Variants in PLPP1 observed in about 807,000 individuals in gnomAD.
The protein encoded by PLPP1 is lipid phosphate phosphohydrolase 1a.
A neutral mutation model predicts 31.2 loss-of-function variants in PLPP1; 24 were observed. The ratio of observed to expected loss-of-function variants is 0.77; its 90% CI spans 0.56 to 1.08. PLPP1 has a LOEUF of 1.08. PLPP1 is among the 50% of genes least tolerant of loss of function. The pLI is 0.00. For missense variants in PLPP1, 319 were observed against 342.7 expected, an observed-to-expected ratio of 0.93 and a Z score of 0.55; for synonymous variants, 146 against 126.3, an observed-to-expected ratio of 1.16 and a Z score of -1.05.
At chr5:55,534,479 A>T in intron 1 of PLPP1, 93 bp downstream of exon 1, 2 of 1,300,434 alleles carry the variant, frequency 1.5e-6, no homozygotes, top group Non-Finnish European at 2.0e-6. Flanking sequence ...CGCACGCGTC[A>T]GGCAACACAC....
intron 1 of PLPP1, among the ~76,000 whole-genome samples, chr5:55,516,215 TACC>T (rs1239517301): frequency 6.6e-6 from 1 of 152,196 alleles, no homozygotes; most frequent in Non-Finnish European, 1.5e-5. Context: ...TCTCCATTTC[TACC>T]ACCATCACCA....
At chr5:55,460,006 G>A (rs1401235255) in intron 3 of PLPP1, among the ~76,000 whole-genome samples, 1 of 152,094 alleles carries the variant, frequency 6.6e-6, no homozygotes, top group African/African-American at 2.4e-5. Flanking sequence ...TAAGAAGATA[G>A]TATATAATAA....
chr5:55,490,740 T>C (rs1449144080), intron 1 of PLPP1, among the ~76,000 whole-genome samples: 1 of 152,164 alleles, frequency 6.6e-6, no homozygotes, highest in East Asian at 1.9e-4. Flanking sequence ...AATCATTCTA[T>C]CATTCTTCAG....
intron 2 of PLPP1, among the ~76,000 whole-genome samples, chr5:55,471,711 G>T (rs1240844856): frequency 6.6e-6 from 1 of 151,756 alleles, no homozygotes; most frequent in Non-Finnish European, 1.5e-5. Context: ...TTAATCACAG[G>T]GATTTTTTTA....
At chr5:55,479,397 AC>A (rs1467681328) in intron 1 of PLPP1, among the ~76,000 whole-genome samples, 1 of 152,240 alleles carries the variant, frequency 6.6e-6, no homozygotes, top group East Asian at 1.9e-4. Context: ...CTAAATACAG[AC>A]CCCTGGAAGG....
At chr5:55,530,210 A>G (rs1740612261) in intron 1 of PLPP1, 1 of 1,374,910 alleles carries the variant, frequency 7.3e-7, no homozygotes, top group Non-Finnish European at 1.0e-6. Flanking sequence ...GAGTTTCTTC[A>G]TCTAGCTGAA....
chr5:55,435,742 T>C (rs1338382778), intron 4 of PLPP1, among the ~76,000 whole-genome samples: 1 of 151,964 alleles, frequency 6.6e-6, no homozygotes, highest in Non-Finnish European at 1.5e-5. Flanking sequence ...ACCTTCACAC[T>C]CCTCCCTCCC....
intron 1 of PLPP1, among the ~76,000 whole-genome samples, chr5:55,520,293 C>A (rs1753636827): frequency 6.6e-6 from 1 of 152,144 alleles, no homozygotes; most frequent in South Asian, 2.1e-4. Flanking sequence ...ATCTGGGCAC[C>A]AGGAACTGAA....
intron 2 of PLPP1, among the ~76,000 whole-genome samples, chr5:55,474,737 G>A (rs1004370883): frequency 2.0e-5 from 3 of 152,040 alleles, no homozygotes; most frequent in African/African-American, 7.2e-5. Flanking sequence ...AAAACGGTAG[G>A]TACATACATA....
intron 2 of PLPP1, among the ~76,000 whole-genome samples, chr5:55,471,965 A>AC (rs1275980325): frequency 6.6e-6 from 1 of 151,406 alleles, no homozygotes; most frequent in Non-Finnish European, 1.5e-5. Context: ...CTTTAAAAAA[A>AC]AATGTAATTA....
intron 4 of PLPP1, among the ~76,000 whole-genome samples, chr5:55,427,398 TTAAC>T (rs1017796825): frequency 6.6e-6 from 1 of 152,160 alleles, no homozygotes; most frequent in Non-Finnish European, 1.5e-5. Context: ...CACCAGCTGT[TTAAC>T]TGAGTCTGAC....
intron 1 of PLPP1, among the ~76,000 whole-genome samples, chr5:55,526,971 A>C (rs1342289092): frequency 6.6e-6 from 1 of 151,536 alleles, no homozygotes; most frequent in African/African-American, 2.4e-5. Context: ...TAGAAGAAAC[A>C]GCAAGTGGTC....
chr5:55,500,662 A>G (rs181883213), intron 1 of PLPP1, among the ~76,000 whole-genome samples: 272 of 152,156 alleles, frequency 1.8e-3, no homozygotes, highest in African/African-American at 6.2e-3. Flanking sequence ...ACACAATCCA[A>G]TCTGTACTCT....
At chr5:55,442,330 G>A (rs1384245924) in intron 3 of PLPP1, among the ~76,000 whole-genome samples, 1 of 152,128 alleles carries the variant, frequency 6.6e-6, no homozygotes, top group Non-Finnish European at 1.5e-5. Flanking sequence ...ACACTCAGAA[G>A]TTGATTGCTT....
intron 1 of PLPP1, among the ~76,000 whole-genome samples, chr5:55,503,573 C>A (rs1030451928): frequency 6.6e-6 from 1 of 150,680 alleles, no homozygotes; most frequent in Non-Finnish European, 1.5e-5. Context: ...GTCAGGAGCT[C>A]AAGACCAAAC....
intron 1 of PLPP1, among the ~76,000 whole-genome samples, chr5:55,483,194 G>A (rs544904996): frequency 9.9e-5 from 15 of 152,098 alleles, no homozygotes; most frequent in South Asian, 4.1e-4. Context: ...TTAAAAAGTC[G>A]TATTTTATCC....
intron 3 of PLPP1, among the ~76,000 whole-genome samples, chr5:55,458,913 A>AAAAAAAAAAAAAAC: frequency 1.3e-5 from 2 of 149,694 alleles, no homozygotes; most frequent in African/African-American, 2.5e-5. Flanking sequence ...AAAAAAAAAA[A>AAAAAAAAAAAAAAC]AAACACATAG....
intron 1 of PLPP1, among the ~76,000 whole-genome samples, chr5:55,531,492 TTAA>T (rs1369661654): frequency 3.9e-5 from 6 of 152,218 alleles, no homozygotes; most frequent in Non-Finnish European, 8.8e-5. Context: ...GAGGTGGTCA[TTAA>T]CAGAATCTGG....
chr5:55,532,085 T>C (rs1486364253), intron 1 of PLPP1, among the ~76,000 whole-genome samples: 1 of 152,244 alleles, frequency 6.6e-6, no homozygotes, highest in Non-Finnish European at 1.5e-5. Context: ...ATTGTACTCC[T>C]GCAACTGTCA....
Sources: allele counts gnomAD v4.1 joint callset (sites outside exome capture counted in the v4.1 genomes callset), GRCh38; gene constraint gnomAD v4.1.1; transcripts MANE v1.5; gene names NCBI Gene and HGNC (gene_info 2026-07-23, HGNC 2026-07-21).